Variants in EIF4G3 observed in about 807,000 individuals in gnomAD.
The protein encoded by EIF4G3 is eukaryotic translation initiation factor 4 gamma 3.
Under a neutral mutation model 186.4 loss-of-function variants are expected in EIF4G3, and 34 were observed. The observed-to-expected ratio is 0.18, with a 90% CI of 0.14 to 0.24. The LOEUF is 0.24. EIF4G3 is among the 10% of genes least tolerant of loss of function. The pLI is 1.00. For synonymous variants in EIF4G3, 673 were observed against 679.5 expected (o/e 0.99, Z 0.15); for missense variants, 1,536 against 1,948.5 (o/e 0.79, Z 3.99).
At chr1:20,864,973 A>C (rs1338042992) in intron 21 of EIF4G3, 143 bp downstream of exon 21, 1 of 948,372 alleles carries the variant, frequency 1.1e-6, no homozygotes, top group Non-Finnish European at 1.6e-6. Context: ...TCCCCTAAAC[A>C]TTAATATGTT....
intron 2 of EIF4G3, among the ~76,000 whole-genome samples, chr1:21,127,380 T>C (rs575070873): frequency 4.6e-5 from 7 of 152,332 alleles, no homozygotes; most frequent in Admixed American, 2.0e-4. Flanking sequence ...CCACCGCATC[T>C]GGCCTGCATT....
intron 11 of EIF4G3, among the ~76,000 whole-genome samples, chr1:20,971,097 C>T (rs984889154): frequency 3.3e-5 from 5 of 152,116 alleles, no homozygotes; most frequent in African/African-American, 1.2e-4. Context: ...CTACCCTATG[C>T]TTAAAGATGT....
intron 4 of EIF4G3, among the ~76,000 whole-genome samples, chr1:21,038,958 T>G (rs1301901104): frequency 1.3e-5 from 2 of 152,098 alleles, no homozygotes; most frequent in African/African-American, 4.8e-5. Flanking sequence ...ATTCTAAAAT[T>G]CATATGGAAT....
intron 4 of EIF4G3, among the ~76,000 whole-genome samples, chr1:21,038,691 C>T (rs1437132227): frequency 6.6e-6 from 1 of 152,180 alleles, no homozygotes; most frequent in Non-Finnish European, 1.5e-5. Context: ...AGAACTAGGA[C>T]TTCAAATTAG....
chr1:21,054,169 C>A (rs1246228608), intron 3 of EIF4G3, among the ~76,000 whole-genome samples: 5 of 151,700 alleles, frequency 3.3e-5, no homozygotes, highest in African/African-American at 7.3e-5. Flanking sequence ...TGTGACCTTA[C>A]CCCCAACCCT....
At chr1:20,868,090 C>CATTTTTTTTTTTTTTTT (rs2078042266) in intron 20 of EIF4G3, among the ~76,000 whole-genome samples, 1 of 90,416 alleles carries the variant, frequency 1.1e-5, no homozygotes, top group Admixed American at 1.7e-4. Flanking sequence ...TGGTGATTTT[C>CATTTTTTTTTTTTTTTT]TTTTTTTTTT....
chr1:20,959,141 A>G (rs2096510213), intron 12 of EIF4G3, among the ~76,000 whole-genome samples: 1 of 152,092 alleles, frequency 6.6e-6, no homozygotes, highest in South Asian at 2.1e-4. Flanking sequence ...ACTTCAAATC[A>G]TACAAGGTTA....
At chr1:20,824,282 T>A (rs973343764) in intron 33 of EIF4G3, among the ~76,000 whole-genome samples, 1 of 152,260 alleles carries the variant, frequency 6.6e-6, no homozygotes, top group African/African-American at 2.4e-5. Flanking sequence ...AAAAGAAAGC[T>A]AATGTCTGTA....
At chr1:21,035,568 T>G (rs535035914) in intron 4 of EIF4G3, among the ~76,000 whole-genome samples, 2 of 152,208 alleles carry the variant, frequency 1.3e-5, no homozygotes, top group African/African-American at 2.4e-5. Flanking sequence ...CCCAGCCAGG[T>G]ATGCATAGGC....
At chr1:21,054,465 AT>A (rs1244413598) in intron 3 of EIF4G3, among the ~76,000 whole-genome samples, 1 of 151,444 alleles carries the variant, frequency 6.6e-6, no homozygotes, top group African/African-American at 2.4e-5. Context: ...AGAATGATCA[AT>A]AAAAAAAAAA....
intron 3 of EIF4G3, among the ~76,000 whole-genome samples, chr1:21,063,653 G>A (rs2095053464): frequency 7.7e-6 from 1 of 130,358 alleles, no homozygotes; most frequent in African/African-American, 2.9e-5. Context: ...TGGGTGGTGT[G>A]AGTCTTTTGT....
chr1:20,901,433 A>G (rs1390342603), intron 15 of EIF4G3, among the ~76,000 whole-genome samples: 1 of 152,198 alleles, frequency 6.6e-6, no homozygotes, highest in Non-Finnish European at 1.5e-5. Context: ...AACTTATTAA[A>G]GAGCAACATA....
intron 13 of EIF4G3, among the ~76,000 whole-genome samples, chr1:20,946,184 A>G (rs551911184): frequency 6.6e-6 from 1 of 152,320 alleles, no homozygotes; most frequent in South Asian, 2.1e-4. Flanking sequence ...AAATGCCAGC[A>G]GAGTCCCAAA....
intron 2 of EIF4G3, among the ~76,000 whole-genome samples, chr1:21,126,766 T>A (rs1196405944): frequency 2.0e-5 from 3 of 152,168 alleles, no homozygotes; most frequent in African/African-American, 7.2e-5. Context: ...AGTACAGTTG[T>A]CCCTCTGTAT....
At chr1:21,119,786 G>A (rs1007525612) in intron 2 of EIF4G3, among the ~76,000 whole-genome samples, 41 of 152,222 alleles carry the variant, frequency 2.7e-4, no homozygotes, top group East Asian at 1.5e-3. Flanking sequence ...ATGTAAGGTA[G>A]AAAGTATCTT....
At chr1:20,815,240 G>A (rs1416768478) in intron 34 of EIF4G3, among the ~76,000 whole-genome samples, 5 of 96,088 alleles carry the variant, frequency 5.2e-5, no homozygotes, top group East Asian at 8.8e-4. Flanking sequence ...CTGCCTGGCC[G>A]CCCATCGTCT....
At chr1:20,868,849 C>G (rs1473698302) in intron 20 of EIF4G3, among the ~76,000 whole-genome samples, 4 of 152,148 alleles carry the variant, frequency 2.6e-5, no homozygotes, top group African/African-American at 7.2e-5. Flanking sequence ...CAGTAGTAAA[C>G]TAACAATGTG....
chr1:21,154,840 T>C (rs1480712221), intron 2 of EIF4G3, among the ~76,000 whole-genome samples: 1 of 152,236 alleles, frequency 6.6e-6, no homozygotes, highest in Non-Finnish European at 1.5e-5. Flanking sequence ...GCAGGTATTT[T>C]CACTATTGTC....
At chr1:20,894,859 T>G (rs958613094) in intron 17 of EIF4G3, among the ~76,000 whole-genome samples, 1 of 152,216 alleles carries the variant, frequency 6.6e-6, no homozygotes, top group Non-Finnish European at 1.5e-5. Context: ...AGAGGAAGGA[T>G]GCCTATTTGC....
Sources: allele counts gnomAD v4.1 joint callset (sites outside exome capture counted in the v4.1 genomes callset), GRCh38; gene constraint gnomAD v4.1.1; transcripts MANE v1.5; gene names NCBI Gene and HGNC (gene_info 2026-07-23, HGNC 2026-07-21).